VPS13C: variants seen among roughly 807,000 people sequenced by gnomAD.
VPS13C encodes intermembrane lipid transfer protein VPS13C.
VPS13C carries 358 observed loss-of-function variants against 456.8 expected under a neutral mutation model. The observed-to-expected ratio is 0.78, with a 90% CI of 0.72 to 0.86. The LOEUF is 0.86. Among genes scored for constraint, VPS13C ranks in the 40% least tolerant of loss-of-function variants. The pLI is 0.00. For missense variants in VPS13C, 4,818 were observed against 4,385.4 expected, an observed-to-expected ratio of 1.10 and a Z score of -2.79; for synonymous variants, 1,578 against 1,486.7, an observed-to-expected ratio of 1.06 and a Z score of -1.41.
At chr15:61,968,327 C>T (rs2045442436) in intron 28 of VPS13C, among the ~76,000 whole-genome samples, 1 of 151,620 alleles carries the variant, frequency 6.6e-6, no homozygotes, top group African/African-American at 2.4e-5. Context: ...TTAAAATCAA[C>T]ATGGTGTAAC....
At chr15:62,010,728 C>T in intron 12 of VPS13C, 129 bp from the exon 13 acceptor site, 2 of 993,846 alleles carry the variant, frequency 2.0e-6, no homozygotes, top group South Asian at 2.7e-5. Context: ...AACAAAATCA[C>T]TACCAAAAAA....
At position 61,858,317 on chromosome 15, in the gene VPS13C, ACTATCTATCTATCTAT is replaced by A. The variant is rs55704364; in HGVS notation, c.10953-1924_10953-1909del. Among the ~76,000 whole-genome samples, 255 of 147,656 alleles carry A rather than the reference ACTATCTATCTATCTAT, an allele frequency of 1.7e-3. 2 individuals are homozygous for A. The highest frequency in any genetic ancestry group is 4.8e-3 in the African/African-American group (190 of 39,846). ...ACTCGAGATTTTTATCCAAACTCCAACTATCTATCTATCTATCTATCTATCTATCTATCTATCTATC... is the reference window on the plus strand; with the variant it reads ...ACTCGAGATTTTTATCCAAACTCCAACTATCTATCTATCTATCTATCTATC... On this transcript the variant is annotated intron_variant, in intron 82 of 84. Coordinates refer to ENST00000644861, the MANE Select transcript of VPS13C (RefSeq NM_020821.3). This position sits in a 1 kb window ranked among gnomAD's most constrained non-coding sequence, Gnocchi z 4.4.
intron 12 of VPS13C, among the ~76,000 whole-genome samples, chr15:62,011,004 A>T (rs1171010610): frequency 6.6e-6 from 1 of 152,166 alleles, no homozygotes; most frequent in East Asian, 1.9e-4. Context: ...TTTAATCACT[A>T]GCAGAATTTA....
rs1266762955 is a variant in VPS13C at position 62,014,286 on chromosome 15, T to A, written c.685-294A>T. On this transcript the variant is annotated intron_variant, in intron 9 of 84. Coordinates refer to ENST00000644861, the MANE Select transcript of VPS13C (RefSeq NM_020821.3). ...TGAATGAAAACAGAGAGCCAGCCTATACACTATTGAATATGGTATACATTC... is the reference window on the plus strand; with the variant it reads ...TGAATGAAAACAGAGAGCCAGCCTAAACACTATTGAATATGGTATACATTC... Among the ~76,000 whole-genome samples, 3 of 152,114 alleles carry A rather than the reference T, an allele frequency of 2.0e-5. No homozygotes were observed. The South Asian group carries it at 6.2e-4, about 31-fold the overall frequency.
intron 9 of VPS13C, among the ~76,000 whole-genome samples, chr15:62,017,306 A>T (rs557131754): frequency 9.3e-4 from 142 of 152,096 alleles, no homozygotes; most frequent in African/African-American, 3.1e-3. Context: ...CCCATTTGTC[A>T]ATTTTGGCTT....
intron 41 of VPS13C, 81 bp from the exon 42 acceptor site, chr15:61,949,686 C>G (rs2044721862): frequency 7.3e-7 from 1 of 1,378,184 alleles, no homozygotes; most frequent in Non-Finnish European, 9.8e-7. Flanking sequence ...ATAAGTAGCA[C>G]AAGAACAGTT....
intron 1 of VPS13C, among the ~76,000 whole-genome samples, chr15:62,050,856 T>C (rs2048594636): frequency 6.7e-6 from 1 of 148,684 alleles, no homozygotes; most frequent in Non-Finnish European, 1.5e-5. Context: ...GGATCAAAAT[T>C]TAGTATTCTT....
chr15:62,052,074 T>C (rs1306478304), intron 1 of VPS13C, among the ~76,000 whole-genome samples: 1 of 152,118 alleles, frequency 6.6e-6, no homozygotes, highest in African/African-American at 2.4e-5. Flanking sequence ...TAGGTCAACT[T>C]TCTTAATATA....
chr15:61,856,964 G>A (rs1472009724), intron 82 of VPS13C, among the ~76,000 whole-genome samples: 1 of 151,828 alleles, frequency 6.6e-6, no homozygotes, highest in African/African-American at 2.4e-5. Flanking sequence ...ACACTTTAAT[G>A]CTAATATACT....
intron 80 of VPS13C, 115 bp from the exon 81 acceptor site, chr15:61,868,888 C>T: frequency 3.5e-6 from 3 of 863,402 alleles, no homozygotes; most frequent in Non-Finnish European, 5.2e-6. Context: ...TTTTAAATAG[C>T]TTTCCCCAAA....
chr15:62,009,675 T>G (rs945876146), intron 13 of VPS13C, among the ~76,000 whole-genome samples: 2 of 152,220 alleles, frequency 1.3e-5, no homozygotes, highest in Non-Finnish European at 2.9e-5. Context: ...CATTTTTATT[T>G]AACAGAATTG....
intron 48 of VPS13C, 115 bp from the exon 49 acceptor site, chr15:61,934,446 C>T (rs190089054): frequency 6.5e-5 from 33 of 505,952 alleles, no homozygotes; most frequent in Non-Finnish European, 1.3e-5. Flanking sequence ...TTCTGTAAAT[C>T]ATATTGAGAC....
At chr15:62,004,018 G>C (rs1349183081) in intron 15 of VPS13C, among the ~76,000 whole-genome samples, 5 of 151,256 alleles carry the variant, frequency 3.3e-5, no homozygotes, top group African/African-American at 4.9e-5. Flanking sequence ...TTGGTATCAG[G>C]ATGATGCTGG....
chr15:62,007,608 C>A, intron 14 of VPS13C, 129 bp from the exon 15 acceptor site: 1 of 682,696 alleles, frequency 1.5e-6, no homozygotes. Flanking sequence ...TATAAGAGCT[C>A]AGCAATTCCC....
At chr15:61,993,704 TGAA>T (rs2046293701) in intron 16 of VPS13C, among the ~76,000 whole-genome samples, 1 of 152,002 alleles carries the variant, frequency 6.6e-6, no homozygotes, top group African/African-American at 2.4e-5. Context: ...ATGAAGAAAA[TGAA>T]GTAACAAAGA....
chr15:62,018,896 G>A (rs1453584300), intron 9 of VPS13C, among the ~76,000 whole-genome samples: 1 of 152,080 alleles, frequency 6.6e-6, no homozygotes, highest in Non-Finnish European at 1.5e-5. Flanking sequence ...GGTAGAATTC[G>A]GCTGTGAATC....
intron 66 of VPS13C, among the ~76,000 whole-genome samples, chr15:61,904,305 T>TA (rs35637854): frequency 0.49 from 70,978 of 145,210 alleles, 17,977 homozygotes; most frequent in Admixed American, 0.6. Flanking sequence ...TTGAATTCCT[T>TA]AAAAAAAAAA....
chr15:61,855,051 T>C (rs1429288686), intron 83 of VPS13C, 97 bp from the exon 84 acceptor site: 1 of 960,430 alleles, frequency 1.0e-6, no homozygotes, highest in Non-Finnish European at 1.5e-6. Flanking sequence ...CTCTATCTTA[T>C]AACAAGTAGG....
rs548971827 is a variant in VPS13C at position 62,041,340 on chromosome 15, G to C, written c.171C>G (p.Val57=). 5.0e-6 allele frequency: 8 copies of C among 1,607,180 alleles called. No homozygotes were observed. The highest frequency in any genetic ancestry group is 4.5e-5 in the South Asian group (4 of 89,260). The change falls in exon 3 of 85, where the codon GTC becomes GTG. Residue 57 remains valine (V), a synonymous_variant. Coordinates refer to ENST00000644861, the MANE Select transcript of VPS13C (RefSeq NM_020821.3). ...AGTACTTACCAATTTGGCCAGCCTTGACTTTAAAAGGAACATCCAATTCAC... is the reference window on the plus strand; with the variant it reads ...AGTACTTACCAATTTGGCCAGCCTTCACTTTAAAAGGAACATCCAATTCAC... ...ALSELDVPFK[V]KAGQIDKLTL...
Sources: allele counts gnomAD v4.1 joint callset (sites outside exome capture counted in the v4.1 genomes callset), GRCh38; gene constraint gnomAD v4.1.1; non-coding constraint Gnocchi (gnomAD v3.1); transcripts MANE v1.5; gene names NCBI Gene and HGNC (gene_info 2026-07-23, HGNC 2026-07-21).